Variants in PDE3A observed in about 807,000 individuals in gnomAD.
PDE3A encodes phosphodiesterase 3A, also known as cGMP-inhibited 3',5'-cyclic phosphodiesterase 3A.
A neutral mutation model predicts 98.3 loss-of-function variants in PDE3A; 43 were observed. The ratio of observed to expected loss-of-function variants is 0.44; its 90% confidence interval spans 0.34 to 0.56. The LOEUF is 0.56. PDE3A is among the 20% of genes least tolerant of loss of function. PDE3A has a pLI of 0.01. For synonymous variants in PDE3A, 663 were observed against 567.9 expected (o/e 1.17, Z -2.38); for missense variants, 1,427 against 1,440.7 (o/e 0.99, Z 0.15).
chr12:20,677,845 A>G (rs1297506727), intron 15 of PDE3A, among the ~76,000 whole-genome samples: 1 of 152,144 alleles, frequency 6.6e-6, no homozygotes, highest in Non-Finnish European at 1.5e-5. Context: ...AGGCAGTAGC[A>G]TAGTCTCTAT....
At chr12:20,592,815 C>T (rs1592090058) in intron 2 of PDE3A, among the ~76,000 whole-genome samples, 1 of 152,090 alleles carries the variant, frequency 6.6e-6, no homozygotes, top group Non-Finnish European at 1.5e-5. Context: ...TGTTTGAATA[C>T]AAGGGGTGGG....
chr12:20,378,278 A>G (rs1033038063), intron 1 of PDE3A, among the ~76,000 whole-genome samples: 10 of 151,708 alleles, frequency 6.6e-5, no homozygotes, highest in African/African-American at 2.4e-4. Context: ...GTTTAATGTC[A>G]TGTCCTCTCC....
At chr12:20,423,302 A>G (rs1331364138) in intron 1 of PDE3A, among the ~76,000 whole-genome samples, 1 of 152,066 alleles carries the variant, frequency 6.6e-6, no homozygotes, top group African/African-American at 2.4e-5. Context: ...TTTTTCTCCC[A>G]AATCAATCCC....
intron 2 of PDE3A, among the ~76,000 whole-genome samples, chr12:20,605,073 A>T (rs889507431): frequency 3.3e-5 from 5 of 152,122 alleles, no homozygotes; most frequent in Middle Eastern, 3.2e-3. Context: ...CTATTTATGA[A>T]CTCTGTGTAA....
chr12:20,582,275 C>A (rs1409042454), intron 2 of PDE3A, among the ~76,000 whole-genome samples: 2 of 152,098 alleles, frequency 1.3e-5, no homozygotes, highest in African/African-American at 4.8e-5. Flanking sequence ...CTCACTGCAA[C>A]CTCTGCCTCC....
intron 1 of PDE3A, among the ~76,000 whole-genome samples, chr12:20,508,288 A>T (rs1487223781): frequency 1.3e-5 from 2 of 151,776 alleles, no homozygotes; most frequent in Non-Finnish European, 2.9e-5. Context: ...TCAAATGGAA[A>T]CCCCACCCCC....
At chr12:20,460,047 C>A (rs1335241083) in intron 1 of PDE3A, among the ~76,000 whole-genome samples, 1 of 152,174 alleles carries the variant, frequency 6.6e-6, no homozygotes, top group Non-Finnish European at 1.5e-5. Context: ...CTGTGAAACT[C>A]TCAGGCTGGA....
intron 1 of PDE3A, among the ~76,000 whole-genome samples, chr12:20,480,902 C>A (rs193297487): frequency 7.9e-5 from 12 of 152,320 alleles, no homozygotes; most frequent in Admixed American, 3.3e-4. Context: ...GAGAAATTGT[C>A]TTCATTGACT....
intron 1 of PDE3A, among the ~76,000 whole-genome samples, chr12:20,538,899 G>T (rs2121211862): frequency 6.6e-6 from 1 of 151,752 alleles, no homozygotes; most frequent in African/African-American, 2.4e-5. Flanking sequence ...TCTGGCTTTG[G>T]CTTCCCAAAA....
intron 14 of PDE3A, 62 bp downstream of exon 14, chr12:20,650,662 A>G: frequency 1.0e-6 from 1 of 1,003,476 alleles, no homozygotes; most frequent in East Asian, 2.5e-5. Context: ...GAATTGCTCA[A>G]AGCTTCTAAC....
chr12:20,446,815 G>A (rs11045251), intron 1 of PDE3A, among the ~76,000 whole-genome samples: 28,322 of 152,030 alleles, frequency 0.19, 2,767 homozygotes, highest in Admixed American at 0.28. Context: ...GTTGATCAGG[G>A]AGACACAAAC....
chr12:20,420,519 A>G (rs1204325053), intron 1 of PDE3A, among the ~76,000 whole-genome samples: 1 of 152,146 alleles, frequency 6.6e-6, no homozygotes, highest in Non-Finnish European at 1.5e-5. Flanking sequence ...ACTCTTGGCC[A>G]AGAGTTAAGT....
intron 4 of PDE3A, 108 bp downstream of exon 4, chr12:20,616,492 G>A: frequency 9.5e-7 from 1 of 1,052,716 alleles, no homozygotes; most frequent in Non-Finnish European, 1.4e-6. Flanking sequence ...TTGGTTGGAG[G>A]TCAGCTTTGA....
At chr12:20,462,092 A>G (rs1373088433) in intron 1 of PDE3A, among the ~76,000 whole-genome samples, 1 of 152,116 alleles carries the variant, frequency 6.6e-6, no homozygotes, top group Non-Finnish European at 1.5e-5. Context: ...CTCACATATA[A>G]CTTTTAATTT....
intron 1 of PDE3A, among the ~76,000 whole-genome samples, chr12:20,427,642 C>T (rs540923066): frequency 1.3e-5 from 2 of 151,988 alleles, no homozygotes; most frequent in South Asian, 4.2e-4. Context: ...AATAAATAGG[C>T]TTCAAAATTT....
chr12:20,531,079 G>C (rs572054734), intron 1 of PDE3A, among the ~76,000 whole-genome samples: 1 of 152,098 alleles, frequency 6.6e-6, no homozygotes, highest in Non-Finnish European at 1.5e-5. Flanking sequence ...TCAGGACATA[G>C]TTATGACACC....
rs1945439723 is a variant in PDE3A at position 20,670,382 on chromosome 12, C to A, written c.3185-9648C>A. ...ATCTACAGAACTCTCCACCCCAAAT[C>A]AATAGAATATACATTTTTTTCAGCA... On this transcript the variant is annotated intron_variant, in intron 15 of 15. Coordinates refer to ENST00000359062, the MANE Select transcript of PDE3A (RefSeq NM_000921.5). Among the ~76,000 whole-genome samples, 7 of 150,848 alleles carry A rather than the reference C, an allele frequency of 4.6e-5. No homozygotes were observed. In the South Asian group the frequency reaches 1.3e-3, roughly 27 times the overall value.
intron 9 of PDE3A, among the ~76,000 whole-genome samples, chr12:20,638,593 A>G (rs1019550061): frequency 6.6e-6 from 1 of 152,086 alleles, no homozygotes; most frequent in Non-Finnish European, 1.5e-5. Context: ...CTCATACTTT[A>G]GGGATCCCCC....
In PDE3A at chr12:20,681,761, C is replaced by T. The variant is rs984195618; in HGVS notation, c.*1490C>T. 1 of 151,966 alleles carries T rather than the reference C, an allele frequency of 6.6e-6. No individual in the cohort carries two copies. The highest frequency in any genetic ancestry group is 1.5e-5 in the Non-Finnish European group (1 of 67,936). 9.4% of individuals were successfully genotyped at this position (151,966 alleles called of 1,614,324 possible). ...TTGTTTTGGTTTGTTTGTTTATCTA[C>T]ACTTGTTTATGCTGTGAGCCAAACC... On this transcript the variant is annotated 3_prime_UTR_variant, in exon 16 of 16. Transcript: ENST00000359062.
Sources: gnomAD v4.1 joint callset for allele counts (sites outside exome capture counted in the v4.1 genomes callset) on GRCh38, gnomAD v4.1.1 for gene constraint, MANE v1.5 for transcripts, NCBI Gene and HGNC (gene_info 2026-07-23, HGNC 2026-07-21) for gene names.